Variants in ITK observed in about 807,000 individuals in gnomAD.
ITK encodes the protein IL2 inducible T cell kinase.
ITK carries 45 observed loss-of-function variants against 87.6 expected under a neutral mutation model. That is an observed-to-expected ratio of 0.51 (90% CI 0.40 to 0.66). ITK has a LOEUF of 0.66. Among genes scored for constraint, ITK ranks in the 30% least tolerant of loss-of-function variants. The pLI, the probability that ITK is intolerant of heterozygous loss-of-function variation, is 0.00. For synonymous variants in ITK, 303 were observed against 273.6 expected, an observed-to-expected ratio of 1.11 and a Z score of -1.06; for missense variants, 605 against 766.3, an observed-to-expected ratio of 0.79 and a Z score of 2.48.
At position 157,187,968 on chromosome 5, in the gene ITK, T is replaced by TA. The variant is rs561101482; in HGVS notation, c.138+6863dup. On this transcript the variant is annotated intron_variant, in intron 1 of 16. Transcript: ENST00000422843. ...GCATGCACCATCATCCTTGGCTATT[T>TA]AAAAAAAAAATTTATAGAGACAGGG... is the stretch of plus-strand genomic sequence containing the variant. 8.6e-5 allele frequency among the ~76,000 whole-genome samples: 13 copies of TA among 150,538 alleles called. No individual in the cohort carries two copies. The East Asian group carries it at 9.7e-4, about 11-fold the overall frequency.
At chr5:157,247,676 A>C (rs1284216817) in intron 15 of ITK, among the ~76,000 whole-genome samples, 1 of 152,212 alleles carries the variant, frequency 6.6e-6, no homozygotes, top group Non-Finnish European at 1.5e-5. Flanking sequence ...TTGAGAGATC[A>C]ATGGAAAAAA....
At chr5:157,246,092 C>A (rs990087957) in intron 15 of ITK, 93 bp downstream of exon 15, 23 of 893,634 alleles carry the variant, frequency 2.6e-5, no homozygotes, top group Admixed American at 5.1e-5. Flanking sequence ...CCACACTGAA[C>A]CCTGTATCAT....
At chr5:157,229,958 T>C (rs940166566) in intron 7 of ITK, among the ~76,000 whole-genome samples, 1 of 152,186 alleles carries the variant, frequency 6.6e-6, no homozygotes, top group Non-Finnish European at 1.5e-5. Flanking sequence ...GGTAACTAAA[T>C]ACAGTGGTGA....
intron 1 of ITK, among the ~76,000 whole-genome samples, chr5:157,203,783 C>T (rs1004215542): frequency 1.3e-5 from 2 of 152,136 alleles, no homozygotes; most frequent in African/African-American, 4.8e-5. Context: ...GAGGCTTTTG[C>T]GGGAAGACAA....
chr5:157,243,749 G>A lies in ITK; in HGVS notation c.1187G>A (p.Gly396Glu), dbSNP rs757172605. 6.2e-7 allele frequency: 1 copy of A among 1,613,914 alleles called. No homozygotes were observed. The highest frequency in any genetic ancestry group is 1.3e-5 in the African/African-American group (1 of 74,862). ...DKVAIKTIRE[G>E]AMSEEDFIEE... ...GTGGCTATCAAAACCATTCGGGAAG[G>A]GGCTATGTCAGAAGAGGACTTCATA... is the stretch of plus-strand genomic sequence containing the variant. The change falls in exon 12 of 17, where the codon GGG (glycine) becomes GAG (glutamate). Residue 396 changes from glycine to glutamate, a missense_variant. Physicochemically the swap from Gly to Glu is moderately conservative, Grantham distance 98. Coordinates refer to ENST00000422843, the MANE Select transcript of ITK (RefSeq NM_005546.4).
At chr5:157,210,662 T>C (rs1016933939) in intron 2 of ITK, among the ~76,000 whole-genome samples, 17 of 149,482 alleles carry the variant, frequency 1.1e-4, no homozygotes, top group Non-Finnish European at 1.6e-4. Flanking sequence ...TCATCTAGCA[T>C]TGGGTATATC....
chr5:157,226,920 G>A (rs573825553), intron 6 of ITK, among the ~76,000 whole-genome samples: 1 of 152,146 alleles, frequency 6.6e-6, no homozygotes, highest in South Asian at 2.1e-4. Flanking sequence ...ACCCAGGTTA[G>A]GTGAGTCTCA....
At chr5:157,230,856 G>C (rs1346953207) in intron 7 of ITK, among the ~76,000 whole-genome samples, 3 of 152,158 alleles carry the variant, frequency 2.0e-5, no homozygotes, top group Non-Finnish European at 4.4e-5. Flanking sequence ...GGTATTTTAA[G>C]CCATTTTAAA....
chr5:157,252,832 T>C lies in ITK; in HGVS notation c.*154T>C. 1 of 692,576 alleles carries C rather than the reference T, an allele frequency of 1.4e-6. No homozygotes were observed. The highest frequency in any genetic ancestry group is 1.5e-5 in the South Asian group (1 of 68,008). 42.9% of individuals were successfully genotyped at this position (692,576 alleles called of 1,614,324 possible). ...TCCCTGAGTCACCATGGAAGCAGCA[T>C]CCTGACCACAGCTGGCAGTCAAGCC... On this transcript the variant is annotated 3_prime_UTR_variant, in exon 17 of 17. Coordinates refer to ENST00000422843, the MANE Select transcript of ITK (RefSeq NM_005546.4).
chr5:157,203,665 G>GA (rs1159773831), intron 1 of ITK, among the ~76,000 whole-genome samples: 1 of 152,158 alleles, frequency 6.6e-6, no homozygotes, highest in African/African-American at 2.4e-5. Context: ...TACTATTTGT[G>GA]AAAAAACAGG....
chr5:157,240,056 T>C lies in ITK; in HGVS notation c.852-6T>C. 6.2e-7 allele frequency: 1 copy of C among 1,611,514 alleles called. No individual in the cohort carries two copies. On this transcript the variant is annotated splice_polypyrimidine_tract_variant and splice_region_variant and intron_variant, in intron 9 of 16. Transcript: ENST00000422843. ...AATCATTACATTTGTGTTTCATTTG[T>C]TTAAGTGAGAACAATCCCTGTATAA...
chr5:157,192,143 T>A (rs923033652), intron 1 of ITK, among the ~76,000 whole-genome samples: 3 of 152,204 alleles, frequency 2.0e-5, no homozygotes, highest in Non-Finnish European at 2.9e-5. Context: ...AAATACGTGA[T>A]CTTTTATACA....
chr5:157,181,066 T>G lies in ITK; in HGVS notation c.89T>G (p.Phe30Cys), dbSNP rs1753503176. The G allele has an allele frequency of 5.6e-6, 9 of 1,614,054 alleles. No individual in the cohort carries two copies. The highest frequency in any genetic ancestry group is 7.6e-6 in the Non-Finnish European group (9 of 1,179,876). ...TCTCCCTCGAACTTTAAAGTCCGCT[T>G]CTTTGTGTTAACCAAAGCCAGCCTG... is the stretch of plus-strand genomic sequence containing the variant. ...RTSPSNFKVR[F>C]FVLTKASLAY... is the part of the protein sequence containing the mutation. The change falls in exon 1 of 17, where the codon TTC (phenylalanine) becomes TGC (cysteine). Residue 30 changes from phenylalanine (F) to cysteine (C), a missense_variant. Physicochemically the swap from Phe to Cys is radical, Grantham distance 205. This residue lies in a region of ITK where 464 missense variants were observed against 578.0 expected (regional missense o/e 0.80). Coordinates refer to ENST00000422843, the MANE Select transcript of ITK (RefSeq NM_005546.4).
chr5:157,199,935 C>A (rs1753932158), intron 1 of ITK, among the ~76,000 whole-genome samples: 1 of 152,120 alleles, frequency 6.6e-6, no homozygotes, highest in African/African-American at 2.4e-5. Context: ...TTATGGGAAA[C>A]CTGATGCTGA....
intron 1 of ITK, among the ~76,000 whole-genome samples, chr5:157,201,661 T>C (rs1336969976): frequency 7.0e-6 from 1 of 142,584 alleles, no homozygotes; most frequent in Non-Finnish European, 1.5e-5. Context: ...AATTACACTA[T>C]AAAGTGAAAT....
intron 1 of ITK, chr5:157,195,058 AG>A (rs1174370823): frequency 1.3e-5 from 2 of 152,372 alleles, no homozygotes; most frequent in East Asian, 3.9e-4. Flanking sequence ...TTGCTGCAAA[AG>A]TAATTGTGGT....
In ITK at chr5:157,240,135, G is replaced by T. The variant is rs1754858917; in HGVS notation, c.925G>T (p.Glu309Ter). Residue 309 changes from glutamate to a stop codon, truncating the protein, a stop_gained, in exon 10 of 17, where the codon GAA (glutamate) becomes TAA (stop). Transcript: ENST00000422843. LOFTEE classifies it high-confidence loss of function. ...CAATCCTAAGCGATACTATGTGGCT[G>T]AAAAGTATGTGTTCGATTCCATCCC... ...NDNPKRYYVA[E>*]KYVFDSIPLL... 6.2e-7 allele frequency: 1 copy of T among 1,613,732 alleles called. No individual in the cohort carries two copies. Among genetic ancestry groups the T allele is most frequent in the Non-Finnish European group, 8.5e-7 (1 of 1,179,744 alleles).
At chr5:157,216,087 G>GC (rs1754293116) in intron 4 of ITK, among the ~76,000 whole-genome samples, 1 of 152,190 alleles carries the variant, frequency 6.6e-6, no homozygotes, top group Non-Finnish European at 1.5e-5. Flanking sequence ...GCAACCCATT[G>GC]CCATATCCTC....
chr5:157,181,196 A>T (rs1366763918), intron 1 of ITK, 81 bp downstream of exon 1: 2 of 1,374,252 alleles, frequency 1.5e-6, no homozygotes, highest in African/African-American at 2.9e-5. Flanking sequence ...TATACATAGC[A>T]TAAAATAGAG....
Sources: allele counts gnomAD v4.1 joint callset (sites outside exome capture counted in the v4.1 genomes callset), GRCh38; gene constraint gnomAD v4.1.1; regional missense constraint gnomAD v4.1.1; transcripts MANE v1.5; gene names NCBI Gene and HGNC (gene_info 2026-07-23, HGNC 2026-07-21).